Variants in FARP2 observed in about 807,000 individuals in gnomAD.
FARP2 encodes the protein FERM, ARHGEF and pleckstrin domain-containing protein 2.
Under a neutral mutation model 130.5 loss-of-function variants are expected in FARP2, and 111 were observed. That is an observed-to-expected ratio of 0.85 (90% CI 0.73 to 1.00). The LOEUF is 1.00. FARP2 is among the 50% of genes least tolerant of loss of function. The probability of loss-of-function intolerance (pLI) is 0.00; values close to 1 mark genes in which losing one functional copy is unlikely to be tolerated. For missense variants in FARP2, 1,385 were observed against 1,346.3 expected, an observed-to-expected ratio of 1.03 and a Z score of -0.45; for synonymous variants, 504 against 516.9, an observed-to-expected ratio of 0.98 and a Z score of 0.34.
intron 2 of FARP2, among the ~76,000 whole-genome samples, chr2:241,379,587 C>CT (rs749456090): frequency 1.3e-5 from 2 of 152,214 alleles, no homozygotes; most frequent in Non-Finnish European, 2.9e-5. Context: ...TGCTAGAAGA[C>CT]TTTAACTTGC....
intron 14 of FARP2, among the ~76,000 whole-genome samples, chr2:241,458,257 G>T (rs541661959): frequency 6.6e-6 from 1 of 152,290 alleles, no homozygotes; most frequent in African/African-American, 2.4e-5. Context: ...GTGGCAGCTG[G>T]ATGGGAAGAG....
intron 2 of FARP2, among the ~76,000 whole-genome samples, chr2:241,401,657 C>T (rs987216298): frequency 8.5e-5 from 13 of 152,056 alleles, no homozygotes; most frequent in Admixed American, 8.5e-4. Flanking sequence ...GCCCAGAGTC[C>T]CTTTTATTTT....
chr2:241,458,548 G>T (rs772628632), intron 14 of FARP2, among the ~76,000 whole-genome samples: 2 of 152,140 alleles, frequency 1.3e-5, no homozygotes, highest in Non-Finnish European at 2.9e-5. Flanking sequence ...GATATTAAAC[G>T]TACTGCTGCA....
intron 8 of FARP2, among the ~76,000 whole-genome samples, chr2:241,421,124 A>C (rs368426114): frequency 1.3e-5 from 2 of 152,282 alleles, no homozygotes; most frequent in East Asian, 3.9e-4. Flanking sequence ...GTGACTGTGC[A>C]ACCTCACCCA....
chr2:241,365,791 G>A (rs1262094623), intron 1 of FARP2, among the ~76,000 whole-genome samples: 5 of 151,896 alleles, frequency 3.3e-5, no homozygotes, highest in East Asian at 1.9e-4. Context: ...GTTTCATTTC[G>A]TTTGGGTTTT....
intron 19 of FARP2, among the ~76,000 whole-genome samples, chr2:241,480,511 C>G (rs971097909): frequency 6.8e-6 from 1 of 146,850 alleles, no homozygotes; most frequent in Non-Finnish European, 1.5e-5. Context: ...GACCTTGATA[C>G]AATAGATAGG....
At chr2:241,483,568 C>CT in intron 20 of FARP2, 35 bp downstream of exon 20, 2 of 1,597,240 alleles carry the variant, frequency 1.3e-6, no homozygotes, top group Non-Finnish European at 1.7e-6. Flanking sequence ...GTGCTTCCCC[C>CT]CGAGGGGGAT....
chr2:241,388,556 AAAT>A, intron 2 of FARP2, among the ~76,000 whole-genome samples: 1 of 152,372 alleles, frequency 6.6e-6, no homozygotes, highest in Non-Finnish European at 1.5e-5. Context: ...AAGAAAGTAA[AAAT>A]AATGAGAGAA....
At chr2:241,465,707 G>A in intron 17 of FARP2, 2 of 1,550,912 alleles carry the variant, frequency 1.3e-6, no homozygotes, top group Non-Finnish European at 1.7e-6. Context: ...ACCGCCCAAG[G>A]TGTGGAGCTC....
intron 2 of FARP2, among the ~76,000 whole-genome samples, chr2:241,403,484 T>G (rs1388425494): frequency 6.6e-6 from 1 of 152,190 alleles, no homozygotes; most frequent in Non-Finnish European, 1.5e-5. Context: ...ATTGCTGGTA[T>G]TATAGGCGTG....
At chr2:241,485,567 G>A (rs1322731923) in intron 21 of FARP2, among the ~76,000 whole-genome samples, 1 of 133,638 alleles carries the variant, frequency 7.5e-6, no homozygotes, top group Admixed American at 7.4e-5. Context: ...CCTTCCCTAG[G>A]ATCTTCCCTT....
intron 19 of FARP2, among the ~76,000 whole-genome samples, chr2:241,481,425 C>T (rs1217658522): frequency 6.6e-6 from 1 of 152,144 alleles, no homozygotes; most frequent in Non-Finnish European, 1.5e-5. Context: ...TTCATTGAAG[C>T]ATGTGTATGA....
intron 7 of FARP2, among the ~76,000 whole-genome samples, chr2:241,417,520 G>A (rs1362704046): frequency 6.6e-6 from 1 of 152,046 alleles, no homozygotes; most frequent in African/African-American, 2.4e-5. Flanking sequence ...ACAGGGTTTC[G>A]CCATGTTGTC....
intron 1 of FARP2, among the ~76,000 whole-genome samples, chr2:241,358,011 G>T (rs1416906497): frequency 6.6e-6 from 1 of 152,126 alleles, no homozygotes; most frequent in African/African-American, 2.4e-5. Flanking sequence ...TCAACAGGGC[G>T]AAACCCCATC....
In FARP2 at chr2:241,376,841, C is replaced by G. The variant is rs2061546348; in HGVS notation, c.183+3551C>G. Among the ~76,000 whole-genome samples, 3 of 152,200 alleles carry G rather than the reference C, an allele frequency of 2.0e-5. No individual in the cohort carries two copies. The South Asian group carries it at 6.2e-4, about 31-fold the overall frequency. On this transcript the variant is annotated intron_variant, in intron 2 of 26. Transcript: ENST00000264042. ...GGGCAGGTCTGTCTTGGTGAAGACA[C>G]CACATCCTAGTGCCTGCTTGCTGTC...
chr2:241,485,854 C>T (rs2064740250), intron 21 of FARP2, among the ~76,000 whole-genome samples: 1 of 149,338 alleles, frequency 6.7e-6, no homozygotes, highest in African/African-American at 2.5e-5. Flanking sequence ...CCCTGGGGTC[C>T]TCCCTCCCTG....
chr2:241,448,718 G>A (rs1035912243), intron 13 of FARP2, among the ~76,000 whole-genome samples: 1 of 152,198 alleles, frequency 6.6e-6, no homozygotes, highest in Admixed American at 6.5e-5. Context: ...TTTATTTAGC[G>A]CAAAACAGGA....
At chr2:241,386,470 A>T (rs1172788427) in intron 2 of FARP2, among the ~76,000 whole-genome samples, 3 of 152,138 alleles carry the variant, frequency 2.0e-5, no homozygotes, top group Non-Finnish European at 4.4e-5. Flanking sequence ...GCCGGCTCAG[A>T]TCTGTCTCCC....
At chr2:241,415,455 G>A (rs1429246105) in intron 7 of FARP2, among the ~76,000 whole-genome samples, 1 of 152,208 alleles carries the variant, frequency 6.6e-6, no homozygotes, top group Non-Finnish European at 1.5e-5. Flanking sequence ...TGGACATGAG[G>A]AAGGGAGAAT....
Sources: gnomAD v4.1 joint callset for allele counts (sites outside exome capture counted in the v4.1 genomes callset) on GRCh38, gnomAD v4.1.1 for gene constraint, MANE v1.5 for transcripts, NCBI Gene and HGNC (gene_info 2026-07-23, HGNC 2026-07-21) for gene names.